Variants in ARHGEF10L observed in about 807,000 individuals in gnomAD.
The protein encoded by ARHGEF10L is rho guanine nucleotide exchange factor 10-like protein.
A neutral mutation model predicts 141.2 loss-of-function variants in ARHGEF10L; 69 were observed. The observed-to-expected ratio is 0.49, with a 90% confidence interval of 0.40 to 0.60. The LOEUF (loss-of-function observed/expected upper bound fraction) is 0.60. Among genes scored for constraint, ARHGEF10L ranks in the 20% least tolerant of loss-of-function variants. The pLI, the probability that ARHGEF10L is intolerant of heterozygous loss-of-function variation, is 0.00. For synonymous variants in ARHGEF10L, 711 were observed against 718.5 expected (o/e 0.99, Z 0.17); for missense variants, 1,482 against 1,734.3 (o/e 0.85, Z 2.58).
At chr1:17,622,858 C>T (rs549388929) in intron 11 of ARHGEF10L, 138 bp from the exon 12 acceptor site, 25 of 822,024 alleles carry the variant, frequency 3.0e-5, no homozygotes, top group Admixed American at 2.3e-4. Flanking sequence ...TCCGGAAGGA[C>T]GCATGAGGAG....
chr1:17,516,699 T>G, the ARHGEF10L span, among the ~76,000 whole-genome samples: 1 of 152,082 alleles, frequency 6.6e-6, no homozygotes, highest in African/African-American at 2.4e-5. Context: ...GAATCAAGGC[T>G]AGGGGGTGGG....
intron 26 of ARHGEF10L, among the ~76,000 whole-genome samples, chr1:17,679,720 C>T (rs762202874): frequency 4.4e-4 from 67 of 152,246 alleles, no homozygotes; most frequent in Non-Finnish European, 2.4e-4. Context: ...GACGTGACCC[C>T]GGGTCTGAAT....
At chr1:17,566,930 C>T (rs111814620) in intron 1 of ARHGEF10L, among the ~76,000 whole-genome samples, 133 of 151,872 alleles carry the variant, frequency 8.8e-4, no homozygotes, top group African/African-American at 3.0e-3. Flanking sequence ...TCTCGAATGC[C>T]GTTGAACTTA....
At chr1:17,531,803 G>T in the ARHGEF10L span, among the ~76,000 whole-genome samples, 1 of 152,228 alleles carries the variant, frequency 6.6e-6, no homozygotes, top group Non-Finnish European at 1.5e-5. Context: ...CCGGATAAGA[G>T]CCCATTGTTC....
chr1:17,569,612 A>G (rs1424289601), intron 1 of ARHGEF10L, among the ~76,000 whole-genome samples: 1 of 152,096 alleles, frequency 6.6e-6, no homozygotes, highest in Non-Finnish European at 1.5e-5. Flanking sequence ...TTGGAGCCAG[A>G]TGGGACCCTG....
intron 1 of ARHGEF10L, among the ~76,000 whole-genome samples, chr1:17,541,170 C>T (rs1418968487): frequency 6.6e-6 from 1 of 152,202 alleles, no homozygotes; most frequent in African/African-American, 2.4e-5. Flanking sequence ...TCCCCTTCCA[C>T]CAAAGAGCCT....
the ARHGEF10L span, among the ~76,000 whole-genome samples, chr1:17,533,665 A>G: frequency 6.6e-6 from 1 of 152,124 alleles, no homozygotes; most frequent in African/African-American, 2.4e-5. Flanking sequence ...AAGAACCTAG[A>G]AGGCTTGAGG....
upstream of ARHGEF10L, among the ~76,000 whole-genome samples, chr1:17,538,799 C>T (rs2076621047): frequency 6.6e-6 from 1 of 151,888 alleles, no homozygotes; most frequent in Non-Finnish European, 1.5e-5. Context: ...GGCTGCAGAA[C>T]TTATCATTAT....
At chr1:17,606,957 A>C (rs1246527716) in intron 6 of ARHGEF10L, among the ~76,000 whole-genome samples, 1 of 152,144 alleles carries the variant, frequency 6.6e-6, no homozygotes, top group African/African-American at 2.4e-5. Context: ...TTTGTCCCCA[A>C]GTTTTCAGTC....
Position 17,543,476 on chromosome 1 carries a change from G to A in ARHGEF10L, c.-44+3526G>A, listed in dbSNP as rs566169991. Among the ~76,000 whole-genome samples, 200 of 151,896 alleles carry A rather than the reference G, an allele frequency of 1.3e-3. 1 individual carries two copies. The highest frequency in any genetic ancestry group is 3.4e-3 in the Middle Eastern group (1 of 294). ...CCCATGCCTGTAATCCCAGCTACTC[G>A]GGAGTCTGAGGCAGGAGAATTGCTG... On this transcript the variant is annotated intron_variant, in intron 1 of 28. Transcript: ENST00000361221.
chr1:17,519,915 C>T, the ARHGEF10L span, among the ~76,000 whole-genome samples: 6 of 152,010 alleles, frequency 3.9e-5, no homozygotes, highest in South Asian at 4.1e-4. Context: ...CTGGAGAGGG[C>T]GGGGATTGGC....
In ARHGEF10L at chr1:17,607,553, C is replaced by A. The variant is rs750528992; in HGVS notation, c.434-249C>A. On this transcript the variant is annotated intron_variant, in intron 6 of 28. Transcript: ENST00000361221. The surrounding 1 kb of genome is among the most constrained non-coding windows in gnomAD (Gnocchi z 4.5). Reference sequence around the variant, plus strand: ...AGTGCTGGGAGCAAAAGGAAGTGAGCGGGCTTGTGCACGTCTGACCCATTT... The same window carrying A: ...AGTGCTGGGAGCAAAAGGAAGTGAGAGGGCTTGTGCACGTCTGACCCATTT... Among the ~76,000 whole-genome samples, 1 of 152,220 alleles carries A rather than the reference C, an allele frequency of 6.6e-6. No homozygotes were observed. The highest frequency in any genetic ancestry group is 2.4e-5 in the African/African-American group (1 of 41,464).
At chr1:17,540,425 G>A (rs575666620) in intron 1 of ARHGEF10L, among the ~76,000 whole-genome samples, 1 of 152,226 alleles carries the variant, frequency 6.6e-6, no homozygotes, top group Admixed American at 6.5e-5. Flanking sequence ...GGAACGGGAC[G>A]GCCTCCTGCA....
At position 17,570,452 on chromosome 1, in the gene ARHGEF10L, G is replaced by A. The variant is rs571319488; in HGVS notation, c.-43-10101G>A. ...GAACAGCAAGTGCAAAGGCCCTGAG[G>A]CAGAAACATGCTTGGGGCATTCAGG... is the stretch of plus-strand genomic sequence containing the variant. On this transcript the variant is annotated intron_variant, in intron 1 of 28. Coordinates refer to ENST00000361221, the MANE Select transcript of ARHGEF10L (RefSeq NM_018125.4). Among the ~76,000 whole-genome samples, 165 of 152,174 alleles carry A rather than the reference G, an allele frequency of 1.1e-3. 1 individual carries two copies. Among genetic ancestry groups the A allele is most frequent in the Middle Eastern group, 3.4e-3 (1 of 294 alleles).
intron 21 of ARHGEF10L, 78 bp from the exon 22 acceptor site, chr1:17,648,476 G>A: frequency 6.4e-7 from 1 of 1,565,748 alleles, no homozygotes; most frequent in South Asian, 1.2e-5. Flanking sequence ...TGGCTCCCTG[G>A]GGCTTGGAGG....
Position 17,687,608 on chromosome 1 carries a change from C to A in ARHGEF10L, c.3045C>A (p.Ser1015Arg). 3 of 1,613,106 alleles carry A rather than the reference C, an allele frequency of 1.9e-6. No homozygotes were observed. Among genetic ancestry groups the A allele is most frequent in the Non-Finnish European group, 8.5e-7 (1 of 1,179,898 alleles). ...SFEAHQDEAV[S>R]VTHMVKAGSG... ...AGGCGCACCAGGACGAGGCAGTGAG[C>A]GTGACACACATGGTGAAGGCGGGCA... Residue 1015 changes from serine (S) to arginine (R), a missense_variant, in exon 27 of 29, where the codon AGC becomes AGA. Physicochemically the swap from Ser to Arg is moderately radical, Grantham distance 110. Around this residue, in one of 3 missense-constraint regions of ARHGEF10L, gnomAD observed 858 missense variants for 966.3 expected, o/e 0.89. Transcript: ENST00000361221.
chr1:17,656,719 G>A lies in ARHGEF10L; in HGVS notation c.2860+11G>A. 1 of 1,606,856 alleles carries A rather than the reference G, an allele frequency of 6.2e-7. No individual in the cohort carries two copies. The highest frequency in any genetic ancestry group is 1.7e-5 in the Admixed American group (1 of 59,838). ...ACCCTCGGACCAGCGGTGAGGACTG[G>A]GGGGAATGGGGGAAGGGGGGCAGTC... On this transcript the variant is annotated intron_variant, in intron 25 of 28. Transcript: ENST00000361221. The surrounding 1 kb of genome is among the most constrained non-coding windows in gnomAD (Gnocchi z 4.9).
rs114341868 is a variant in ARHGEF10L, at chr1:17,636,335, C to T, written c.1927+1319C>T. On this transcript the variant is annotated intron_variant, in intron 18 of 28. Transcript: ENST00000361221. Reference sequence around the variant, plus strand: ...ATATTGTTATTCAAATATATACAAACGCAAAACTCCCTGTAATCAACTCCT... The same window carrying T: ...ATATTGTTATTCAAATATATACAAATGCAAAACTCCCTGTAATCAACTCCT... 6.9e-3 allele frequency among the ~76,000 whole-genome samples: 1,050 copies of T among 152,232 alleles called. 15 individuals are homozygous for T. The highest frequency in any genetic ancestry group is 0.024 in the African/African-American group (990 of 41,516).
Position 17,644,591 on chromosome 1 carries a change from G to A in ARHGEF10L, c.2273-3963G>A, listed in dbSNP as rs867036851. Among the ~76,000 whole-genome samples the A allele has an allele frequency of 2.6e-5, 4 of 152,346 alleles. No individual in the cohort carries two copies. The highest frequency in any genetic ancestry group is 4.4e-5 in the Non-Finnish European group (3 of 68,026). ...GGTCCAGCCCAGCCTGACATCTGTG[G>A]CTGTGGCCAGCAGCATCTCCATGGT... On this transcript the variant is annotated intron_variant, in intron 21 of 28. Coordinates refer to ENST00000361221, the MANE Select transcript of ARHGEF10L (RefSeq NM_018125.4). This position sits in a 1 kb window ranked among gnomAD's most constrained non-coding sequence, Gnocchi z 4.5.
Sources: gnomAD v4.1 joint callset for allele counts (sites outside exome capture counted in the v4.1 genomes callset) on GRCh38, gnomAD v4.1.1 for gene constraint, gnomAD v4.1.1 regional missense constraint, Gnocchi (gnomAD v3.1) non-coding constraint, MANE v1.5 for transcripts, NCBI Gene and HGNC (gene_info 2026-07-23, HGNC 2026-07-21) for gene names.